The following HIGD1A variants were observed in gnomAD, a reference collection of about 807,000 sequenced individuals.
The protein encoded by HIGD1A is HIG1 hypoxia inducible domain family member 1A, also known as HIG1 domain family member 1A, mitochondrial.
A neutral mutation model predicts 11.3 loss-of-function variants in HIGD1A; 8 were observed. The observed-to-expected ratio is 0.71, with a 90% CI of 0.42 to 1.28. The LOEUF (loss-of-function observed/expected upper bound fraction) is 1.28. Ranked by LOEUF, HIGD1A falls within the 50% of genes most tolerant of loss-of-function variation. The pLI, the probability that HIGD1A is intolerant of heterozygous loss-of-function variation, is 0.01. For synonymous variants in HIGD1A, 32 were observed against 38.4 expected, an observed-to-expected ratio of 0.83 and a Z score of 0.62; for missense variants, 107 against 118.8, an observed-to-expected ratio of 0.90 and a Z score of 0.46.
chr3:42,791,297 T>TA (rs2125590698), intron 2 of HIGD1A, among the ~76,000 whole-genome samples: 1 of 152,212 alleles, frequency 6.6e-6, no homozygotes, highest in African/African-American at 2.4e-5. Context: ...CATAAGGAAA[T>TA]ACAGGAACCT....
At chr3:42,786,288 C>T in intron 2 of HIGD1A, 126 bp from the exon 3 acceptor site, 1 of 1,116,374 alleles carries the variant, frequency 9.0e-7, no homozygotes, top group South Asian at 1.8e-5. Flanking sequence ...AGCTAACATA[C>T]AAATTGAGTT....
chr3:42,795,055 C>A (rs1450532531), intron 1 of HIGD1A, among the ~76,000 whole-genome samples: 1 of 151,848 alleles, frequency 6.6e-6, no homozygotes, highest in African/African-American at 2.4e-5. Flanking sequence ...GTGGCACGAT[C>A]TCGGCTCACT....
chr3:42,789,038 A>ATTTTT (rs35390450), intron 2 of HIGD1A, among the ~76,000 whole-genome samples: 6 of 113,938 alleles, frequency 5.3e-5, no homozygotes, highest in African/African-American at 1.0e-4. Context: ...TACTTTGGGA[A>ATTTTT]TTTTTTTTTT....
At chr3:42,801,371 A>G (rs373226665) in intron 1 of HIGD1A, among the ~76,000 whole-genome samples, 5 of 152,290 alleles carry the variant, frequency 3.3e-5, no homozygotes, top group African/African-American at 1.2e-4. Flanking sequence ...AGGACCTTGT[A>G]CTTTCCTTAT....
At chr3:42,796,326 G>A (rs879810432) in intron 1 of HIGD1A, among the ~76,000 whole-genome samples, 1 of 151,912 alleles carries the variant, frequency 6.6e-6, no homozygotes, top group Non-Finnish European at 1.5e-5. Flanking sequence ...TAAGTAATGA[G>A]CTTTATTATA....
At chr3:42,795,385 A>AT (rs71616069) in intron 1 of HIGD1A, among the ~76,000 whole-genome samples, 26 of 151,572 alleles carry the variant, frequency 1.7e-4, no homozygotes, top group African/African-American at 4.4e-4. Flanking sequence ...TGCCTGGCTA[A>AT]TTTTTTTTGT....
chr3:42,786,756 C>T (rs561659299), intron 2 of HIGD1A, among the ~76,000 whole-genome samples: 1 of 152,276 alleles, frequency 6.6e-6, no homozygotes, highest in South Asian at 2.1e-4. Context: ...CATGACCTTC[C>T]ATGTTTTCTT....
intron 2 of HIGD1A, among the ~76,000 whole-genome samples, chr3:42,792,846 G>A (rs1348952183): frequency 1.3e-5 from 2 of 151,802 alleles, no homozygotes; most frequent in Non-Finnish European, 2.9e-5. Context: ...AGCTGGCGTG[G>A]CGGCGGGCAC....
intron 1 of HIGD1A, among the ~76,000 whole-genome samples, chr3:42,800,832 A>T (rs998037029): frequency 7.1e-6 from 1 of 141,424 alleles, no homozygotes; most frequent in African/African-American, 2.6e-5. Flanking sequence ...CCGGTCCTTT[A>T]AAAAAAAAAA....
chr3:42,804,030 G>C lies in HIGD1A; in HGVS notation c.-23+406C>G, dbSNP rs982822992. The C allele has an allele frequency of 9.1e-6, 8 of 877,080 alleles. No homozygotes were observed. The East Asian group carries it at 2.2e-4, about 25-fold the overall frequency. The allele number at this position is 877,080 out of a possible 1,614,324, so 54.3% of individuals were successfully genotyped here. A position where few individuals can be genotyped will look rare whatever the true frequency, so the allele number is the denominator to read the frequency against. ...GCTCTCCTATCCCGCCTCGCCTGCC[G>C]CTTAGCCCGCTCTTCAGAATGTTCC... On this transcript the variant is annotated intron_variant, in intron 1 of 3. Coordinates refer to ENST00000321331, the MANE Select transcript of HIGD1A (RefSeq NM_014056.4).
intron 2 of HIGD1A, among the ~76,000 whole-genome samples, chr3:42,786,570 CACT>C (rs1700354384): frequency 6.6e-6 from 1 of 152,142 alleles, no homozygotes. Flanking sequence ...CAATCCTACA[CACT>C]ACTACCACTG....
chr3:42,803,876 C>G (rs531578757), intron 1 of HIGD1A, among the ~76,000 whole-genome samples: 1 of 152,112 alleles, frequency 6.6e-6, no homozygotes, highest in African/African-American at 2.4e-5. Context: ...GGAGGAAACA[C>G]CAGGTCGGGG....
chr3:42,788,301 T>A (rs780940356), intron 2 of HIGD1A, among the ~76,000 whole-genome samples: 5 of 152,198 alleles, frequency 3.3e-5, no homozygotes, highest in Non-Finnish European at 7.3e-5. Flanking sequence ...AAAATCTAGG[T>A]GAAATGAATG....
intron 1 of HIGD1A, among the ~76,000 whole-genome samples, chr3:42,794,906 A>AT (rs1053784621): frequency 6.6e-6 from 1 of 152,190 alleles, no homozygotes; most frequent in African/African-American, 2.4e-5. Context: ...TTATTTACTC[A>AT]TTTTAAGAAC....
intron 2 of HIGD1A, among the ~76,000 whole-genome samples, chr3:42,793,917 G>C (rs2125592008): frequency 1.3e-5 from 2 of 152,244 alleles, no homozygotes; most frequent in East Asian, 3.9e-4. Context: ...GATGGGGGCA[G>C]TGAGCTATGA....
intron 1 of HIGD1A, among the ~76,000 whole-genome samples, chr3:42,795,819 G>A (rs959678362): frequency 6.6e-6 from 1 of 151,824 alleles, no homozygotes; most frequent in Non-Finnish European, 1.5e-5. Flanking sequence ...TTATCACAAT[G>A]AGGCATTAAC....
At chr3:42,789,581 A>G (rs1314512243) in intron 2 of HIGD1A, among the ~76,000 whole-genome samples, 1 of 145,922 alleles carries the variant, frequency 6.9e-6, no homozygotes, top group Non-Finnish European at 1.5e-5. Flanking sequence ...AAAAAAAACG[A>G]AAAATCTCTT....
rs1477122100 is a variant in HIGD1A, at chr3:42,784,773, A to G, written c.*498T>C. 6.5e-6 allele frequency: 1 copy of G among 153,612 alleles called. No individual in the cohort carries two copies. The highest frequency in any genetic ancestry group is 1.5e-5 in the Non-Finnish European group (1 of 68,768). The allele number at this position is 153,612 out of a possible 1,614,324, so 9.5% of individuals were successfully genotyped here. A position where few individuals can be genotyped will look rare whatever the true frequency, so the allele number is the denominator to read the frequency against. The stretch of plus-strand genomic sequence containing the variant: ...ATTTGGTTTAAACACATGCATATAT[A>G]TTGTCAATTGTGGGAAGCTTTACAA... On this transcript the variant is annotated 3_prime_UTR_variant, in exon 4 of 4. Transcript: ENST00000321331.
chr3:42,804,113 C>G, intron 1 of HIGD1A: 1 of 1,561,228 alleles, frequency 6.4e-7, no homozygotes, highest in Non-Finnish European at 8.7e-7. Context: ...TCAACACCCT[C>G]CTGGCCCCCG....
Sources: allele counts gnomAD v4.1 joint callset (sites outside exome capture counted in the v4.1 genomes callset), GRCh38; gene constraint gnomAD v4.1.1; transcripts MANE v1.5; gene names NCBI Gene and HGNC (gene_info 2026-07-23, HGNC 2026-07-21).